MTHFD2L: variants seen among roughly 807,000 people sequenced by gnomAD.
The protein encoded by MTHFD2L is bifunctional methylenetetrahydrofolate dehydrogenase/cyclohydrolase 2, mitochondrial.
In MTHFD2L, 29 loss-of-function variants were observed where a neutral mutation model predicts 34.9. The ratio of observed to expected loss-of-function variants is 0.83; its 90% CI spans 0.62 to 1.13. The LOEUF (loss-of-function observed/expected upper bound fraction) is 1.13, where lower values mean the gene tolerates loss of function less well. MTHFD2L is among the 50% of genes most tolerant of loss of function. The probability of loss-of-function intolerance (pLI) is 0.00; values close to 1 mark genes in which losing one functional copy is unlikely to be tolerated. For synonymous variants in MTHFD2L, 167 were observed against 155.7 expected, an observed-to-expected ratio of 1.07 and a Z score of -0.54; for missense variants, 481 against 446.5, an observed-to-expected ratio of 1.08 and a Z score of -0.70.
chr4:74,302,555 G>A lies in MTHFD2L; in HGVS notation c.*746G>A, dbSNP rs191419364. The stretch of plus-strand genomic sequence containing the variant: ...GAAGAATGTGTTAGGTTTAAACGTC[G>A]TTTCTTTCTTCTAAAAAATATTTGG... On this transcript the variant is annotated 3_prime_UTR_variant, in exon 8 of 8. Transcript: ENST00000325278. The A allele has an allele frequency of 2.0e-5, 3 of 152,082 alleles. No individual in the cohort carries two copies. Among genetic ancestry groups the A allele is most frequent in the Admixed American group, 1.3e-4 (2 of 15,244 alleles). The allele number at this position is 152,082 out of a possible 1,614,324, so 9.4% of individuals were successfully genotyped here. A position where few individuals can be genotyped will look rare whatever the true frequency, so the allele number is the denominator to read the frequency against.
intron 1 of MTHFD2L, among the ~76,000 whole-genome samples, chr4:74,134,711 T>A (rs1030969068): frequency 2.6e-5 from 4 of 152,158 alleles, no homozygotes; most frequent in Non-Finnish European, 5.9e-5. Context: ...AACTTTGTTA[T>A]CTCTAAGATA....
chr4:74,193,859 C>A (rs528798876), intron 3 of MTHFD2L, among the ~76,000 whole-genome samples: 6 of 152,096 alleles, frequency 3.9e-5, no homozygotes, highest in Admixed American at 6.6e-5. Context: ...CATCTGTGAT[C>A]AGAGAATTTT....
At chr4:74,290,622 A>T (rs1295027923) in intron 7 of MTHFD2L, among the ~76,000 whole-genome samples, 1 of 152,002 alleles carries the variant, frequency 6.6e-6, no homozygotes, top group African/African-American at 2.4e-5. Flanking sequence ...ATTGCCAAGC[A>T]TAATGCCTGG....
chr4:74,293,343 C>G (rs1172490840), intron 7 of MTHFD2L: 2 of 165,154 alleles, frequency 1.2e-5, no homozygotes, highest in African/African-American at 2.4e-5. Flanking sequence ...TGGTTTACAT[C>G]TATAATACAG....
chr4:74,201,510 A>T (rs1734427551), intron 5 of MTHFD2L, 140 bp downstream of exon 5: 1 of 480,034 alleles, frequency 2.1e-6, no homozygotes, highest in Non-Finnish European at 3.5e-6. Context: ...TCATTTAGTG[A>T]TGTGAGAGTC....
intron 4 of MTHFD2L, among the ~76,000 whole-genome samples, chr4:74,200,608 T>C (rs1201986427): frequency 6.6e-6 from 1 of 152,190 alleles, no homozygotes; most frequent in African/African-American, 2.4e-5. Context: ...GATACGGTAA[T>C]GCTCTCACAG....
At chr4:74,231,315 T>G (rs975552356) in intron 6 of MTHFD2L, among the ~76,000 whole-genome samples, 2 of 152,074 alleles carry the variant, frequency 1.3e-5, no homozygotes, top group Non-Finnish European at 2.9e-5. Context: ...TTCCTCCTCC[T>G]TGAAACAGGG....
At chr4:74,248,917 G>A (rs1366905558) in intron 6 of MTHFD2L, among the ~76,000 whole-genome samples, 1 of 150,136 alleles carries the variant, frequency 6.7e-6, no homozygotes, top group African/African-American at 2.4e-5. Flanking sequence ...GGTCAATTTT[G>A]GAATAGGTGT....
In MTHFD2L at chr4:74,281,494, A is replaced by G; in HGVS notation, c.875A>G (p.Tyr292Cys). 3.1e-6 allele frequency: 5 copies of G among 1,612,788 alleles called. No individual in the cohort carries two copies. Among genetic ancestry groups the G allele is most frequent in the South Asian group, 2.2e-5 (2 of 91,020 alleles). ...GCTGTAATTGATGTGGGTATCAACT[A>G]TGTCCACGATCCAGTGACAGGAAAG... ...GAAVIDVGIN[Y>C]VHDPVTGKTK... The change falls in exon 7 of 8, where the codon TAT becomes TGT. Residue 292 changes from tyrosine (Y) to cysteine (C), a missense_variant. Tyr to Cys is a radical substitution (Grantham distance 194, BLOSUM62 -2). Coordinates refer to ENST00000325278, the MANE Select transcript of MTHFD2L (RefSeq NM_001144978.3).
chr4:74,168,791 C>T (rs965188757), intron 1 of MTHFD2L, among the ~76,000 whole-genome samples: 4 of 152,042 alleles, frequency 2.6e-5, no homozygotes, highest in Admixed American at 6.6e-5. Context: ...CAAGACAAGC[C>T]GGAGAGAAAT....
chr4:74,262,090 G>GT (rs1239701823), intron 6 of MTHFD2L, among the ~76,000 whole-genome samples: 1 of 151,778 alleles, frequency 6.6e-6, no homozygotes, highest in African/African-American at 2.4e-5. Context: ...ACACACATTC[G>GT]TATGTGTGAA....
chr4:74,204,824 C>T (rs1735024730), intron 5 of MTHFD2L, among the ~76,000 whole-genome samples: 1 of 151,830 alleles, frequency 6.6e-6, no homozygotes, highest in African/African-American at 2.4e-5. Context: ...CATACATATG[C>T]AGTAAAAGCA....
chr4:74,129,057 T>C (rs1722280339), intron 1 of MTHFD2L, among the ~76,000 whole-genome samples: 1 of 152,142 alleles, frequency 6.6e-6, no homozygotes, highest in African/African-American at 2.4e-5. Context: ...ATTTTTACTG[T>C]AATATTATAG....
chr4:74,268,220 C>T, intron 6 of MTHFD2L: 1 of 981,736 alleles, frequency 1.0e-6, no homozygotes, highest in Non-Finnish European at 1.2e-6. Flanking sequence ...ATCTAGGATG[C>T]ATTTAGCCAT....
chr4:74,285,486 T>G (rs566604169), intron 7 of MTHFD2L, among the ~76,000 whole-genome samples: 10 of 152,242 alleles, frequency 6.6e-5, no homozygotes, highest in African/African-American at 1.7e-4. Context: ...AATTTTAAAT[T>G]GCATTCGTTT....
intron 6 of MTHFD2L, among the ~76,000 whole-genome samples, chr4:74,231,168 T>C (rs1739990961): frequency 6.6e-6 from 1 of 152,156 alleles, no homozygotes; most frequent in Non-Finnish European, 1.5e-5. Flanking sequence ...ACTCAGAATA[T>C]TCATACTTAC....
Position 74,141,314 on chromosome 4 carries a change from A to G in MTHFD2L, c.-297+15797A>G, listed in dbSNP as rs185428932. On this transcript the variant is annotated intron_variant, in intron 1 of 7. Transcript: ENST00000433372. ...ATTATCCATAGGATAACATGAGATA[A>G]CAGATGAAGTAGTAGTCCAAGCAAA... Among the ~76,000 whole-genome samples, 3 of 152,340 alleles carry G rather than the reference A, an allele frequency of 2.0e-5. No homozygotes were observed. In the East Asian group the frequency reaches 5.8e-4, roughly 29 times the overall value.
intron 7 of MTHFD2L, among the ~76,000 whole-genome samples, chr4:74,283,924 G>T (rs1747816492): frequency 6.6e-6 from 1 of 152,130 alleles, no homozygotes; most frequent in Admixed American, 6.6e-5. Context: ...AACTGAGAGG[G>T]AGGAATTTTA....
Position 74,301,916 on chromosome 4 carries a change from A to AT in MTHFD2L, c.*113dup. Reference sequence around the variant, plus strand: ...AGCTATTTATTTCTACATGGTATTTATTTTTTCATGGGTGAAATCATTGTG... The same window carrying AT: ...AGCTATTTATTTCTACATGGTATTTATTTTTTTCATGGGTGAAATCATTGTG... On this transcript the variant is annotated 3_prime_UTR_variant, in exon 8 of 8. Transcript: ENST00000325278. 1.9e-6 allele frequency: 1 copy of AT among 514,022 alleles called. No individual in the cohort carries two copies. Among genetic ancestry groups the AT allele is most frequent in the Non-Finnish European group, 3.3e-6 (1 of 301,870 alleles). 31.8% of individuals were successfully genotyped at this position (514,022 alleles called of 1,614,324 possible). A position where few individuals can be genotyped will look rare whatever the true frequency, so the allele number is the denominator to read the frequency against.
Sources: gnomAD v4.1 joint callset for allele counts (sites outside exome capture counted in the v4.1 genomes callset) on GRCh38, gnomAD v4.1.1 for gene constraint, MANE v1.5 for transcripts, NCBI Gene and HGNC (gene_info 2026-07-23, HGNC 2026-07-21) for gene names.